Variants in GATA2 observed in about 807,000 individuals in gnomAD.
GATA2 encodes GATA binding protein 2, also known as endothelial transcription factor GATA-2.
In GATA2, 6 loss-of-function variants were observed where a neutral mutation model predicts 35.7. The ratio of observed to expected loss-of-function variants is 0.17; its 90% confidence interval spans 0.09 to 0.33. The LOEUF (loss-of-function observed/expected upper bound fraction) is 0.33. Among genes scored for constraint, GATA2 ranks in the 10% least tolerant of loss-of-function variants. The probability of loss-of-function intolerance (pLI) is 1.00; values close to 1 mark genes in which losing one functional copy is unlikely to be tolerated. For missense variants in GATA2, 541 were observed against 656.6 expected, an observed-to-expected ratio of 0.82 and a Z score of 1.92; for synonymous variants, 313 against 274.9, an observed-to-expected ratio of 1.14 and a Z score of -1.37.
At position 128,480,719 on chromosome 3, in the gene GATA2, TG is replaced by T. The variant is rs1381770014; in HGVS notation, c.*299del. On this transcript the variant is annotated 3_prime_UTR_variant, in exon 6 of 6. Coordinates refer to ENST00000341105, the MANE Select transcript of GATA2 (RefSeq NM_032638.5). ...GCCTAATCCTTTTTCCTTCTAAAAATGGTTGCCTTCGTCTGTCCCGTCCCCT... is the reference window on the plus strand; with the variant it reads ...GCCTAATCCTTTTTCCTTCTAAAAATGTTGCCTTCGTCTGTCCCGTCCCCT... 1 of 396,856 alleles carries T rather than the reference TG, an allele frequency of 2.5e-6. No individual in the cohort carries two copies. The highest frequency in any genetic ancestry group is 4.5e-6 in the Non-Finnish European group (1 of 223,192). 24.6% of individuals were successfully genotyped at this position (396,856 alleles called of 1,614,324 possible).
chr3:128,484,651 ATTT>A (rs11356859), intron 3 of GATA2, among the ~76,000 whole-genome samples: 2 of 150,056 alleles, frequency 1.3e-5, no homozygotes, highest in African/African-American at 4.9e-5. Context: ...TTTTGTTTGT[ATTT>A]TTTTTTTCAA....
At chr3:128,485,029 T>C (rs958866376) in intron 3 of GATA2, among the ~76,000 whole-genome samples, 1 of 152,166 alleles carries the variant, frequency 6.6e-6, no homozygotes, top group Non-Finnish European at 1.5e-5. Flanking sequence ...GGGTTTATGC[T>C]CTGTGGCCAG....
Position 128,483,852 on chromosome 3 carries a change from G to T in GATA2, c.1017+8C>A, listed in dbSNP as rs200848213. Reference sequence around the variant, plus strand: ...AGCCCCCTCCCAGCCACCTGTGCCCGCTCCTACCAGTCTTCGCTTGGGCTT... The same window carrying T: ...AGCCCCCTCCCAGCCACCTGTGCCCTCTCCTACCAGTCTTCGCTTGGGCTT... On this transcript the variant is annotated splice_region_variant and intron_variant, in intron 4 of 5. Transcript: ENST00000341105. 6.2e-7 allele frequency: 1 copy of T among 1,614,110 alleles called. No individual in the cohort carries two copies. Among genetic ancestry groups the T allele is most frequent in the Non-Finnish European group, 8.5e-7 (1 of 1,180,028 alleles).
At position 128,486,932 on chromosome 3, in the gene GATA2, T is replaced by A. The variant is rs762794939; in HGVS notation, c.100A>T (p.Met34Leu). ...SHHPGLAHNY[M>L]EPAQLLPPDE... ...GGAGGCAGCAGCTGCGCGGGTTCCA[T>A]GTAGTTGTGCGCCAGGCCCGGGTGG... Residue 34 changes from methionine to leucine, a missense_variant, in exon 2 of 6, where the codon ATG becomes TTG. Physicochemically the swap from Met to Leu is conservative, Grantham distance 15 (BLOSUM62 2). Coordinates refer to ENST00000341105, the MANE Select transcript of GATA2 (RefSeq NM_032638.5). The A allele has an allele frequency of 7.4e-6, 12 of 1,612,936 alleles. No homozygotes were observed. The highest frequency in any genetic ancestry group is 9.3e-6 in the Non-Finnish European group (11 of 1,179,646).
intron 4 of GATA2, among the ~76,000 whole-genome samples, chr3:128,482,401 G>A (rs545344295): frequency 6.6e-6 from 1 of 152,282 alleles, no homozygotes. Context: ...AGTCAGTGTC[G>A]CTGAGGCCAG....
At chr3:128,483,675 G>T (rs1385424137) in intron 4 of GATA2, among the ~76,000 whole-genome samples, 185 bp downstream of exon 4, 1 of 152,206 alleles carries the variant, frequency 6.6e-6, no homozygotes, top group Non-Finnish European at 1.5e-5. Flanking sequence ...ACCCGAGGAG[G>T]AAATCTGGCC....
intron 1 of GATA2, among the ~76,000 whole-genome samples, chr3:128,487,533 C>T (rs1241600105): frequency 3.9e-5 from 6 of 152,176 alleles, no homozygotes; most frequent in Admixed American, 1.3e-4. Flanking sequence ...ATCTCAACCC[C>T]GAAAACATGC....
At chr3:128,491,196 C>T (rs1429320306) in intron 1 of GATA2, among the ~76,000 whole-genome samples, 1 of 117,450 alleles carries the variant, frequency 8.5e-6, no homozygotes, top group Non-Finnish European at 1.7e-5. Context: ...CCCAGGTCTC[C>T]CCGGCCGTCC....
intron 3 of GATA2, among the ~76,000 whole-genome samples, chr3:128,484,634 G>A (rs1413957364): frequency 7.0e-6 from 1 of 143,170 alleles, no homozygotes; most frequent in Non-Finnish European, 1.5e-5. Flanking sequence ...TAAGTGGCCT[G>A]GGTTTTTTTT....
intron 4 of GATA2, 49 bp downstream of exon 4, chr3:128,483,810 GC>G (rs1283134489): frequency 6.2e-7 from 1 of 1,612,884 alleles, no homozygotes; most frequent in African/African-American, 1.3e-5. Context: ...GTAATTAACC[GC>G]CAGCTCCTGC....
At position 128,480,511 on chromosome 3, in the gene GATA2, C is replaced by T. The variant is rs116559910; in HGVS notation, c.*508G>A. 613 of 244,056 alleles carry T rather than the reference C, an allele frequency of 2.5e-3. 4 individuals carry two copies. The highest frequency in any genetic ancestry group is 0.013 in the African/African-American group (586 of 45,684). The allele number at this position is 244,056 out of a possible 1,614,324, so 15.1% of individuals were successfully genotyped here. A position where few individuals can be genotyped will look rare whatever the true frequency, so the allele number is the denominator to read the frequency against. ...CTTTGGCTCAGCCCAGCCTGGAGTT[C>T]GGCTATTTCAGAGAGGGAAGCCAGA... On this transcript the variant is annotated 3_prime_UTR_variant, in exon 6 of 6. Transcript: ENST00000341105.
chr3:128,486,403 G>C (rs760683907), intron 2 of GATA2, 35 bp from the exon 3 acceptor site: 4 of 1,584,766 alleles, frequency 2.5e-6, no homozygotes, highest in East Asian at 4.5e-5. Flanking sequence ...AGGGTGGGCA[G>C]AAAGATCAGG....
At chr3:128,485,628 C>T (rs965164135) in intron 3 of GATA2, 99 bp downstream of exon 3, 2 of 1,430,246 alleles carry the variant, frequency 1.4e-6, no homozygotes, top group Non-Finnish European at 1.9e-6. Flanking sequence ...ATCCCCAGAT[C>T]TGGGAAACCA....
chr3:128,482,992 G>C (rs1225844445), intron 4 of GATA2, among the ~76,000 whole-genome samples: 1 of 152,192 alleles, frequency 6.6e-6, no homozygotes, highest in Non-Finnish European at 1.5e-5. Flanking sequence ...CTGCAGCCGC[G>C]GGGGCAGGGA....
chr3:128,486,240 G>C lies in GATA2; in HGVS notation c.358C>G (p.Pro120Ala). ...AHHHNPWTVS[P>A]FSKTPLHPSA... The stretch of plus-strand genomic sequence containing the variant: ...GGGTGCAGTGGCGTCTTGGAGAAGG[G>C]GCTCACGGTCCAGGGGTTGTGGTGG... The change falls in exon 3 of 6, where the codon CCC (proline) becomes GCC (alanine). Residue 120 changes from proline to alanine, a missense_variant. By Grantham distance (27) the Pro-to-Ala change is conservative (BLOSUM62 -1). Coordinates refer to ENST00000341105, the MANE Select transcript of GATA2 (RefSeq NM_032638.5). The C allele has an allele frequency of 1.3e-6, 2 of 1,563,852 alleles. No individual in the cohort carries two copies. Among genetic ancestry groups the C allele is most frequent in the Non-Finnish European group, 1.7e-6 (2 of 1,154,200 alleles).
intron 1 of GATA2, chr3:128,489,173 C>T (rs1447698562): frequency 1.3e-5 from 2 of 152,240 alleles, no homozygotes; most frequent in Non-Finnish European, 2.9e-5. Flanking sequence ...GCCACCGCGA[C>T]GCCGAGCCCC....
intron 4 of GATA2, among the ~76,000 whole-genome samples, chr3:128,482,895 G>T (rs985776359): frequency 1.3e-5 from 2 of 152,378 alleles, no homozygotes; most frequent in East Asian, 3.9e-4. Flanking sequence ...AGTGCACCAG[G>T]TGGTGAGTGT....
rs1416891061 is a variant in GATA2 at position 128,486,879 on chromosome 3, G to A, written c.153C>T (p.His51=). ...PPDEVDVFFN[H]LDSQGNPYYA... ...AGTAGGGGTTGCCCTGCGAGTCGAG[G>A]TGATTGAAGAAGACGTCCACCTCGT... Residue 51 remains histidine (H), a synonymous_variant, in exon 2 of 6, where the codon CAC becomes CAT. Coordinates refer to ENST00000341105, the MANE Select transcript of GATA2 (RefSeq NM_032638.5). 47 of 1,612,676 alleles carry A rather than the reference G, an allele frequency of 2.9e-5. No homozygotes were observed. The highest frequency in any genetic ancestry group is 8.9e-5 in the East Asian group (4 of 44,856).
chr3:128,481,063 A>AGGAGAGGCT lies in GATA2; in HGVS notation c.1390_1398dup (p.Ser464_Ser466dup), dbSNP rs1286208823. Reference sequence around the variant, plus strand: ...ATGCTGGACGGGTGGGGGTGGCCGAAGGAGAGGCTGGAGGAGGGGTGGATG... The same window carrying AGGAGAGGCT: ...ATGCTGGACGGGTGGGGGTGGCCGAAGGAGAGGCTGGAGAGGCTGGAGGAGGGGTGGATG... On this transcript the variant is annotated inframe_insertion, in exon 6 of 6. Coordinates refer to ENST00000341105, the MANE Select transcript of GATA2 (RefSeq NM_032638.5). 1.2e-6 allele frequency: 2 copies of AGGAGAGGCT among 1,601,746 alleles called. No homozygotes were observed. Among genetic ancestry groups the AGGAGAGGCT allele is most frequent in the Admixed American group, 1.7e-5 (1 of 59,660 alleles).
Sources: gnomAD v4.1 joint callset for allele counts (sites outside exome capture counted in the v4.1 genomes callset) on GRCh38, gnomAD v4.1.1 for gene constraint, MANE v1.5 for transcripts, NCBI Gene and HGNC (gene_info 2026-07-23, HGNC 2026-07-21) for gene names.